MRPS28: variants seen among roughly 807,000 people sequenced by gnomAD.
The protein encoded by MRPS28 is mitochondrial ribosomal protein S28, also known as small ribosomal subunit protein bS1m.
A neutral mutation model predicts 10.8 loss-of-function variants in MRPS28; 7 were observed. The ratio of observed to expected loss-of-function variants is 0.65; its 90% CI spans 0.37 to 1.22. The LOEUF (loss-of-function observed/expected upper bound fraction) is 1.22, where lower values mean the gene tolerates loss of function less well. Among genes scored for constraint, MRPS28 ranks in the 50% most tolerant of loss-of-function variants. The probability of loss-of-function intolerance (pLI) is 0.02; values close to 1 mark genes in which losing one functional copy is unlikely to be tolerated. For synonymous variants in MRPS28, 121 were observed against 93.3 expected (o/e 1.30, Z -1.71); for missense variants, 265 against 232.9 (o/e 1.14, Z -0.90).
intron 2 of MRPS28, among the ~76,000 whole-genome samples, chr8:79,940,496 A>G (rs1446005135): frequency 1.3e-5 from 2 of 152,246 alleles, no homozygotes; most frequent in Admixed American, 6.5e-5. Context: ...TGGAGTATAA[A>G]TTCCAAATCT....
At chr8:80,013,172 A>G (rs1809100046) in intron 1 of MRPS28, among the ~76,000 whole-genome samples, 2 of 152,228 alleles carry the variant, frequency 1.3e-5, no homozygotes, top group South Asian at 4.1e-4. Context: ...TAACTTCTCT[A>G]GATCTGTTTT....
At chr8:79,922,611 AAATT>A (rs1279447521) in intron 2 of MRPS28, among the ~76,000 whole-genome samples, 5 of 152,148 alleles carry the variant, frequency 3.3e-5, no homozygotes, top group African/African-American at 1.2e-4. Flanking sequence ...GTTAAAAAAT[AAATT>A]ATGAATGAAA....
intron 2 of MRPS28, among the ~76,000 whole-genome samples, chr8:79,971,956 TCCCAAAG>T (rs1807646516): frequency 1.3e-5 from 2 of 152,084 alleles, no homozygotes; most frequent in Non-Finnish European, 2.9e-5. Context: ...CGCCTCAGCC[TCCCAAAG>T]TGCTGGGATT....
At chr8:80,029,339 G>C (rs924816118) in intron 1 of MRPS28, among the ~76,000 whole-genome samples, 1 of 152,178 alleles carries the variant, frequency 6.6e-6, no homozygotes, top group African/African-American at 2.4e-5. Flanking sequence ...TACAGAAATT[G>C]AGAGTTTATT....
intron 2 of MRPS28, among the ~76,000 whole-genome samples, chr8:80,000,381 T>C (rs1312006050): frequency 2.0e-5 from 3 of 152,180 alleles, no homozygotes; most frequent in Non-Finnish European, 4.4e-5. Flanking sequence ...GATGTAGGCA[T>C]ATAACTCTCC....
chr8:79,955,331 T>C (rs1007742211), intron 2 of MRPS28, among the ~76,000 whole-genome samples: 5 of 152,210 alleles, frequency 3.3e-5, no homozygotes, highest in Admixed American at 3.3e-4. Flanking sequence ...GTCTCTCTTC[T>C]CATTTTATTT....
At chr8:79,959,350 C>G (rs1302329562) in intron 2 of MRPS28, among the ~76,000 whole-genome samples, 1 of 151,902 alleles carries the variant, frequency 6.6e-6, no homozygotes, top group East Asian at 1.9e-4. Flanking sequence ...AATTGTTATT[C>G]CCAGGGAGGT....
intron 1 of MRPS28, 160 bp downstream of exon 1, chr8:80,029,864 AAGCACAGATTCT>A: frequency 6.5e-7 from 1 of 1,535,704 alleles, no homozygotes; most frequent in Non-Finnish European, 8.7e-7. Flanking sequence ...GAAAAACACC[AAGCACAGATTCT>A]AGGGGCCGAG....
chr8:79,974,527 C>T (rs1405786236), intron 2 of MRPS28, among the ~76,000 whole-genome samples: 21 of 150,814 alleles, frequency 1.4e-4, no homozygotes, highest in Admixed American at 9.9e-4. Flanking sequence ...GGCGACAGAG[C>T]GAGACTCTGT....
intron 2 of MRPS28, among the ~76,000 whole-genome samples, chr8:79,919,910 TTA>T (rs1491462195): frequency 5.3e-5 from 8 of 150,684 alleles, no homozygotes; most frequent in South Asian, 4.3e-4. Flanking sequence ...AACTCGTCAT[TTA>T]CGTTAGGTAT....
At chr8:79,954,258 TA>T (rs1807149105) in intron 2 of MRPS28, among the ~76,000 whole-genome samples, 4 of 151,990 alleles carry the variant, frequency 2.6e-5, no homozygotes, top group Non-Finnish European at 4.4e-5. Context: ...ATAAAAAATA[TA>T]GCCTCTTTGG....
chr8:79,944,435 A>C (rs1039927970), intron 2 of MRPS28, among the ~76,000 whole-genome samples: 11 of 152,180 alleles, frequency 7.2e-5, no homozygotes, highest in African/African-American at 2.7e-4. Context: ...ATTAATATTT[A>C]GTTAATACAT....
chr8:80,006,251 C>A (rs181155354), intron 1 of MRPS28, among the ~76,000 whole-genome samples: 70 of 152,278 alleles, frequency 4.6e-4, no homozygotes, highest in African/African-American at 1.5e-3. Context: ...CACTCCTCAG[C>A]AAATGTAAAA....
intron 1 of MRPS28, chr8:80,029,798 G>C: frequency 2.0e-6 from 3 of 1,522,928 alleles, no homozygotes; most frequent in Non-Finnish European, 2.6e-6. Context: ...AACAAGCGCA[G>C]TGTGGACAGA....
intron 2 of MRPS28, among the ~76,000 whole-genome samples, chr8:79,951,858 A>G (rs1369601593): frequency 6.6e-6 from 1 of 152,238 alleles, no homozygotes; most frequent in East Asian, 1.9e-4. Context: ...GAAAAAGGCC[A>G]GACTAGAATA....
At chr8:79,980,174 G>A (rs1206033490) in intron 2 of MRPS28, among the ~76,000 whole-genome samples, 1 of 152,160 alleles carries the variant, frequency 6.6e-6, no homozygotes, top group Non-Finnish European at 1.5e-5. Flanking sequence ...ACACCAACCA[G>A]TACTTTGATA....
At chr8:80,011,164 G>C (rs1312119516) in intron 1 of MRPS28, among the ~76,000 whole-genome samples, 1 of 128,710 alleles carries the variant, frequency 7.8e-6, no homozygotes, top group Admixed American at 8.5e-5. Flanking sequence ...AGCCATTCTT[G>C]ACAAGAGCAG....
At chr8:79,973,957 GC>G (rs1807710966) in intron 2 of MRPS28, among the ~76,000 whole-genome samples, 1 of 151,722 alleles carries the variant, frequency 6.6e-6, no homozygotes, top group African/African-American at 2.4e-5. Flanking sequence ...TTGCTATGTT[GC>G]CCAGGCTGAT....
chr8:79,940,110 C>T (rs907593933), intron 2 of MRPS28, among the ~76,000 whole-genome samples: 3 of 152,184 alleles, frequency 2.0e-5, no homozygotes, highest in African/African-American at 4.8e-5. Flanking sequence ...TGGGCCTCAT[C>T]CCCAGATATT....
Sources: allele counts gnomAD v4.1 joint callset (sites outside exome capture counted in the v4.1 genomes callset), GRCh38; gene constraint gnomAD v4.1.1; transcripts MANE v1.5; gene names NCBI Gene and HGNC (gene_info 2026-07-23, HGNC 2026-07-21).